The following TCF12 variants were observed in gnomAD, a reference collection of about 807,000 sequenced individuals.
TCF12 encodes the protein DNA-binding protein HTF4.
A neutral mutation model predicts 86.0 loss-of-function variants in TCF12; 45 were observed. The observed-to-expected ratio is 0.52, with a 90% confidence interval of 0.41 to 0.67. TCF12 has a LOEUF of 0.67. Ranked by LOEUF, TCF12 falls within the 30% of genes least tolerant of loss-of-function variation. TCF12 has a pLI of 0.00. For missense variants in TCF12, 881 were observed against 859.9 expected (o/e 1.02, Z -0.31); for synonymous variants, 330 against 299.6 (o/e 1.10, Z -1.05).
At chr15:57,090,743 G>A (rs1295605689) in intron 4 of TCF12, among the ~76,000 whole-genome samples, 4 of 152,086 alleles carry the variant, frequency 2.6e-5, no homozygotes, top group African/African-American at 4.8e-5. Flanking sequence ...GTGAGCCAGG[G>A]TAGTTTTTTC....
In TCF12 at chr15:57,253,119, T is replaced by C; in HGVS notation, c.1261-143T>C. The C allele has an allele frequency of 6.6e-6, 5 of 762,840 alleles. No homozygotes were observed. The South Asian group carries it at 9.4e-5, about 14-fold the overall frequency. 47.3% of individuals were successfully genotyped at this position (762,840 alleles called of 1,614,324 possible). A position where few individuals can be genotyped will look rare whatever the true frequency, so the allele number is the denominator to read the frequency against. ...ACAGCCTTTTTTTGTTGTTGATTTA[T>C]AGTTCAGGTGGTTGCTTTTGAAGCT... On this transcript the variant is annotated intron_variant, in intron 15 of 20. Transcript: ENST00000333725.
intron 3 of TCF12, among the ~76,000 whole-genome samples, chr15:57,057,797 G>A (rs1245636358): frequency 3.9e-5 from 6 of 152,154 alleles, no homozygotes; most frequent in Admixed American, 2.6e-4. Context: ...AAAACATTTA[G>A]GAGACTATTA....
At chr15:56,938,036 G>GTTTTTTTTTTTTTTTTT in intron 3 of TCF12, among the ~76,000 whole-genome samples, 1 of 33,774 alleles carries the variant, frequency 3.0e-5, no homozygotes, top group Non-Finnish European at 6.3e-5. Context: ...TTTTTTTTTC[G>GTTTTTTTTTTTTTTTTT]TTTCTTTTCT....
intron 8 of TCF12, among the ~76,000 whole-genome samples, chr15:57,226,372 A>T (rs1808111872): frequency 6.6e-6 from 1 of 152,222 alleles, no homozygotes; most frequent in African/African-American, 2.4e-5. Flanking sequence ...AGTTAGCCAA[A>T]TAATTTTGTT....
intron 3 of TCF12, among the ~76,000 whole-genome samples, chr15:57,057,552 G>A (rs931129000): frequency 1.3e-4 from 20 of 152,200 alleles, no homozygotes; most frequent in African/African-American, 4.6e-4. Flanking sequence ...TAGCAAGCTA[G>A]CTAGATATTT....
intron 13 of TCF12, among the ~76,000 whole-genome samples, chr15:57,245,437 A>G (rs528024694): frequency 1.2e-4 from 18 of 152,372 alleles, no homozygotes; most frequent in African/African-American, 3.8e-4. Context: ...CTCTTTGCAC[A>G]GTTCTACTAA....
intron 3 of TCF12, among the ~76,000 whole-genome samples, chr15:56,972,951 G>T (rs1305565362): frequency 4.6e-5 from 7 of 152,116 alleles, no homozygotes; most frequent in African/African-American, 1.7e-4. Context: ...TAGTTTTTAG[G>T]CTTTCCGTTT....
chr15:57,108,539 A>G (rs1269589398), intron 5 of TCF12, among the ~76,000 whole-genome samples: 1 of 152,150 alleles, frequency 6.6e-6, no homozygotes, highest in African/African-American at 2.4e-5. Context: ...TCACTAGCCG[A>G]AAGAAACTGG....
chr15:57,174,133 A>G (rs1176908428), intron 6 of TCF12, among the ~76,000 whole-genome samples: 1 of 152,252 alleles, frequency 6.6e-6, no homozygotes, highest in Non-Finnish European at 1.5e-5. Flanking sequence ...TACCAATTTT[A>G]TACAAGTTAG....
intron 6 of TCF12, among the ~76,000 whole-genome samples, chr15:57,180,267 G>C (rs951694919): frequency 8.5e-5 from 13 of 152,162 alleles, no homozygotes; most frequent in African/African-American, 3.1e-4. Flanking sequence ...CTTGGGGTGA[G>C]AGACTTCTTT....
chr15:56,963,807 G>A (rs1347712905), intron 3 of TCF12, among the ~76,000 whole-genome samples: 1 of 152,190 alleles, frequency 6.6e-6, no homozygotes, highest in Non-Finnish European at 1.5e-5. Context: ...GCTAGGCTAT[G>A]CCCTGTGTCT....
chr15:57,063,659 C>T lies in TCF12; in HGVS notation c.149-91C>T. Reference sequence around the variant, plus strand: ...TAGCTCTTCCACGAAAGCGCAAATACCACTTGCTAAATTGTACTCTGCTGT... The same window carrying T: ...TAGCTCTTCCACGAAAGCGCAAATATCACTTGCTAAATTGTACTCTGCTGT... On this transcript the variant is annotated intron_variant, in intron 3 of 20. Coordinates refer to ENST00000333725, the MANE Select transcript of TCF12 (RefSeq NM_207037.2). 3 of 1,000,744 alleles carry T rather than the reference C, an allele frequency of 3.0e-6. No individual in the cohort carries two copies. The South Asian group carries it at 6.1e-5, about 20-fold the overall frequency. The allele number at this position is 1,000,744 out of a possible 1,614,324, so 62.0% of individuals were successfully genotyped here.
intron 3 of TCF12, among the ~76,000 whole-genome samples, chr15:57,006,930 GCAA>G (rs1480569978): frequency 6.6e-6 from 1 of 151,952 alleles, no homozygotes; most frequent in Non-Finnish European, 1.5e-5. Context: ...AATAACAGCA[GCAA>G]CAACAACAAA....
intron 3 of TCF12, among the ~76,000 whole-genome samples, chr15:56,982,062 A>G (rs1294084430): frequency 6.6e-6 from 1 of 152,194 alleles, no homozygotes; most frequent in Admixed American, 6.6e-5. Context: ...TTCAAGGGTC[A>G]ACTGCAGCTT....
At chr15:56,940,873 G>A (rs2060735385) in intron 3 of TCF12, among the ~76,000 whole-genome samples, 1 of 150,408 alleles carries the variant, frequency 6.6e-6, no homozygotes, top group South Asian at 2.1e-4. Context: ...TGCCTGCCTC[G>A]GCCTCCTGAG....
chr15:57,130,756 GCTTGTTGTGT>G (rs1179129859), intron 5 of TCF12, among the ~76,000 whole-genome samples: 1 of 152,102 alleles, frequency 6.6e-6, no homozygotes, highest in African/African-American at 2.4e-5. Context: ...TGAAAAATGT[GCTTGTTGTGT>G]TACACACGTT....
intron 19 of TCF12, among the ~76,000 whole-genome samples, chr15:57,276,102 T>C (rs1220923377): frequency 6.6e-6 from 1 of 152,248 alleles, no homozygotes; most frequent in Non-Finnish European, 1.5e-5. Flanking sequence ...TCAAGCTCTT[T>C]CACAGGTCAG....
At chr15:57,126,135 G>A (rs2051632860) in intron 5 of TCF12, among the ~76,000 whole-genome samples, 1 of 152,104 alleles carries the variant, frequency 6.6e-6, no homozygotes, top group African/African-American at 2.4e-5. Flanking sequence ...CAGCTACTTG[G>A]GAGGCTGAGA....
At chr15:57,234,736 A>C (rs1169328354) in intron 12 of TCF12, among the ~76,000 whole-genome samples, 4 of 152,254 alleles carry the variant, frequency 2.6e-5, no homozygotes, top group Non-Finnish European at 5.9e-5. Context: ...CTCTTTCGGA[A>C]TGCCAAAACT....
Sources: allele counts gnomAD v4.1 joint callset (sites outside exome capture counted in the v4.1 genomes callset), GRCh38; gene constraint gnomAD v4.1.1; transcripts MANE v1.5; gene names NCBI Gene and HGNC (gene_info 2026-07-23, HGNC 2026-07-21).